LDB2: variants seen among roughly 807,000 people sequenced by gnomAD.
LDB2 encodes the protein LIM domain binding 2.
In LDB2, 12 loss-of-function variants were observed where a neutral mutation model predicts 44.3. The observed-to-expected ratio is 0.27, with a 90% CI of 0.17 to 0.44. LDB2 has a LOEUF of 0.44. Among genes scored for constraint, LDB2 ranks in the 20% least tolerant of loss-of-function variants. The probability of loss-of-function intolerance (pLI) is 1.00; values close to 1 mark genes in which losing one functional copy is unlikely to be tolerated. For missense variants in LDB2, 344 were observed against 473.5 expected (o/e 0.73, Z 2.54); for synonymous variants, 164 against 174.8 (o/e 0.94, Z 0.49).
At chr4:16,599,368 G>A (rs919326353) in intron 2 of LDB2, among the ~76,000 whole-genome samples, 1 of 152,038 alleles carries the variant, frequency 6.6e-6, no homozygotes, top group African/African-American at 2.4e-5. Context: ...GGGGCCTGGC[G>A]AGGCATCATT....
intron 2 of LDB2, among the ~76,000 whole-genome samples, chr4:16,692,337 C>G (rs141861981): frequency 5.8e-4 from 89 of 152,258 alleles, no homozygotes; most frequent in African/African-American, 2.0e-3. Flanking sequence ...ATAAGCATAT[C>G]TGACGTCTTC....
intron 2 of LDB2, among the ~76,000 whole-genome samples, chr4:16,720,976 G>A (rs1174088566): frequency 6.6e-6 from 1 of 152,146 alleles, no homozygotes; most frequent in South Asian, 2.1e-4. Flanking sequence ...GCAAGCCCAA[G>A]TTCAAGTCAC....
rs1386556327 is a variant in LDB2, at chr4:16,875,012, C to G, written c.132+23342G>C. Among the ~76,000 whole-genome samples, 4 of 152,140 alleles carry G rather than the reference C, an allele frequency of 2.6e-5. No individual in the cohort carries two copies. The East Asian group carries it at 7.7e-4, about 29-fold the overall frequency. On this transcript the variant is annotated intron_variant, in intron 1 of 7. Coordinates refer to ENST00000304523, the MANE Select transcript of LDB2 (RefSeq NM_001290.5). ...TACAAGCCAGTGGAACAAACCACTA[C>G]AGCCATAGACATGTATGTTATCAGG... is the stretch of plus-strand genomic sequence containing the variant.
At chr4:16,697,266 T>TACACACACACACACACACACACACAC (rs57040700) in intron 2 of LDB2, among the ~76,000 whole-genome samples, 16 of 130,748 alleles carry the variant, frequency 1.2e-4, no homozygotes, top group African/African-American at 2.9e-4. Context: ...CTACTAAAAA[T>TACACACACACACACACACACACACAC]ACACACACAC....
intron 2 of LDB2, among the ~76,000 whole-genome samples, chr4:16,624,480 C>T (rs1295004797): frequency 6.6e-6 from 1 of 152,076 alleles, no homozygotes; most frequent in Non-Finnish European, 1.5e-5. Context: ...TTATTATGTG[C>T]TCGTCATTGG....
intron 5 of LDB2, among the ~76,000 whole-genome samples, chr4:16,566,720 G>T (rs1363922406): frequency 6.6e-6 from 1 of 151,998 alleles, no homozygotes; most frequent in Non-Finnish European, 1.5e-5. Flanking sequence ...CTTAAAAAAA[G>T]AACTTATGAG....
intron 2 of LDB2, among the ~76,000 whole-genome samples, chr4:16,627,257 T>A (rs181168008): frequency 3.2e-3 from 480 of 152,306 alleles, no homozygotes; most frequent in African/African-American, 0.01. Context: ...AAGTAAATCA[T>A]CATCGAAGAT....
At chr4:16,558,802 G>C (rs774514737) in intron 5 of LDB2, among the ~76,000 whole-genome samples, 321 of 152,288 alleles carry the variant, frequency 2.1e-3, no homozygotes, top group South Asian at 3.9e-3. Context: ...GTTAAGGGCA[G>C]CCAGAGAGAA....
intron 1 of LDB2, among the ~76,000 whole-genome samples, chr4:16,896,238 T>A (rs1724957597): frequency 6.6e-6 from 1 of 152,212 alleles, no homozygotes; most frequent in Non-Finnish European, 1.5e-5. Flanking sequence ...CTTTTTCTAC[T>A]CAGAGCTAAA....
intron 2 of LDB2, among the ~76,000 whole-genome samples, chr4:16,630,906 C>A (rs1302693596): frequency 1.3e-5 from 2 of 152,154 alleles, no homozygotes; most frequent in Non-Finnish European, 2.9e-5. Context: ...AATATATATG[C>A]ACCCAATACG....
intron 5 of LDB2, among the ~76,000 whole-genome samples, chr4:16,517,293 T>G (rs543847074): frequency 6.6e-6 from 1 of 152,212 alleles, no homozygotes; most frequent in African/African-American, 2.4e-5. Flanking sequence ...TTGTAATAAG[T>G]ATGAGCCAGG....
intron 2 of LDB2, among the ~76,000 whole-genome samples, chr4:16,745,537 T>A (rs1450253517): frequency 6.6e-6 from 1 of 152,192 alleles, no homozygotes; most frequent in Non-Finnish European, 1.5e-5. Context: ...TTTGGAGGCT[T>A]GGAGAAAATG....
At chr4:16,668,999 A>G (rs2152553054) in intron 2 of LDB2, among the ~76,000 whole-genome samples, 1 of 152,244 alleles carries the variant, frequency 6.6e-6, no homozygotes, top group East Asian at 1.9e-4. Context: ...TCTCTATACT[A>G]GGAAATGGGG....
intron 1 of LDB2, among the ~76,000 whole-genome samples, chr4:16,857,080 G>T (rs1789498790): frequency 6.6e-6 from 1 of 152,100 alleles, no homozygotes; most frequent in Admixed American, 6.6e-5. Context: ...AGCCCATCAT[G>T]ACCCCGTTAC....
intron 5 of LDB2, among the ~76,000 whole-genome samples, chr4:16,581,674 AG>A (rs1341207007): frequency 6.6e-6 from 1 of 152,084 alleles, no homozygotes; most frequent in Non-Finnish European, 1.5e-5. Context: ...AATCAATCCA[AG>A]GGCCATCTTC....
chr4:16,734,191 C>A (rs17429847), intron 2 of LDB2, among the ~76,000 whole-genome samples: 2,699 of 152,294 alleles, frequency 0.018, 43 homozygotes, highest in Middle Eastern at 0.037. Flanking sequence ...TAAATGGCAA[C>A]TGTAGTGACA....
intron 2 of LDB2, among the ~76,000 whole-genome samples, chr4:16,675,428 A>T (rs1012443799): frequency 6.6e-6 from 1 of 152,182 alleles, no homozygotes; most frequent in Non-Finnish European, 1.5e-5. Flanking sequence ...ACTTCAATTG[A>T]TTCATTGAGG....
intron 5 of LDB2, among the ~76,000 whole-genome samples, chr4:16,539,327 G>C (rs564411124): frequency 6.6e-6 from 1 of 152,210 alleles, no homozygotes; most frequent in African/African-American, 2.4e-5. Context: ...GGAAAGATCA[G>C]GCATGTTTGG....
intron 2 of LDB2, among the ~76,000 whole-genome samples, chr4:16,644,771 C>T (rs889712172): frequency 2.0e-5 from 3 of 152,078 alleles, no homozygotes; most frequent in African/African-American, 7.2e-5. Context: ...TAAGGTTTCT[C>T]TTTCATAATT....
Sources: allele counts gnomAD v4.1 joint callset (sites outside exome capture counted in the v4.1 genomes callset), GRCh38; gene constraint gnomAD v4.1.1; transcripts MANE v1.5; gene names NCBI Gene and HGNC (gene_info 2026-07-23, HGNC 2026-07-21).